RCOR1: variants seen among roughly 807,000 people sequenced by gnomAD.
RCOR1 encodes REST corepressor 1, also known as REST corepressor.
Under a neutral mutation model 64.0 loss-of-function variants are expected in RCOR1, and 12 were observed. That is an observed-to-expected ratio of 0.19 (90% CI 0.12 to 0.30). RCOR1 has a LOEUF of 0.30. Ranked by LOEUF, RCOR1 falls within the 10% of genes least tolerant of loss-of-function variation. The pLI, the probability that RCOR1 is intolerant of heterozygous loss-of-function variation, is 1.00. For synonymous variants in RCOR1, 279 were observed against 227.2 expected, an observed-to-expected ratio of 1.23 and a Z score of -2.05; for missense variants, 502 against 621.2, an observed-to-expected ratio of 0.81 and a Z score of 2.04.
At chr14:102,682,961 GC>G (rs1895335597) in intron 3 of RCOR1, among the ~76,000 whole-genome samples, 1 of 152,102 alleles carries the variant, frequency 6.6e-6, no homozygotes, top group Admixed American at 6.5e-5. Flanking sequence ...TGTTCATTTA[GC>G]CTGTTAGCCA....
intron 3 of RCOR1, among the ~76,000 whole-genome samples, chr14:102,694,418 G>C (rs1248237893): frequency 6.6e-6 from 1 of 152,018 alleles, no homozygotes; most frequent in South Asian, 2.1e-4. Flanking sequence ...CACCATGCCC[G>C]GCTAATTTTT....
At position 102,726,755 on chromosome 14, in the gene RCOR1, CT is replaced by C; in HGVS notation, c.*250del. 1 of 490,548 alleles carries C rather than the reference CT, an allele frequency of 2.0e-6. No individual in the cohort carries two copies. The allele number at this position is 490,548 out of a possible 1,614,324, so 30.4% of individuals were successfully genotyped here. Reference sequence around the variant, plus strand: ...CCACGTGCTGGGGAAGTCTCACGGCCTGCACATCTCTTGTGACTCTGGGAAC... The same window carrying C: ...CCACGTGCTGGGGAAGTCTCACGGCCGCACATCTCTTGTGACTCTGGGAAC... On this transcript the variant is annotated 3_prime_UTR_variant, in exon 12 of 12. Coordinates refer to ENST00000262241, the MANE Select transcript of RCOR1 (RefSeq NM_015156.4).
intron 2 of RCOR1, among the ~76,000 whole-genome samples, chr14:102,675,035 A>C: frequency 7.1e-6 from 1 of 140,422 alleles, no homozygotes. Flanking sequence ...GCGACAGAGC[A>C]AGACTCCACC....
At chr14:102,614,700 TGGG>T (rs908524596) in intron 2 of RCOR1, among the ~76,000 whole-genome samples, 1 of 152,138 alleles carries the variant, frequency 6.6e-6, no homozygotes, top group Non-Finnish European at 1.5e-5. Context: ...GCTGAGAGGT[TGGG>T]GGTGAGGCTA....
intron 3 of RCOR1, among the ~76,000 whole-genome samples, chr14:102,694,131 A>G (rs1416199043): frequency 6.6e-6 from 1 of 152,192 alleles, no homozygotes; most frequent in Non-Finnish European, 1.5e-5. Flanking sequence ...TCACTGCCCT[A>G]CCAGCAACTA....
At chr14:102,626,832 C>T (rs954988842) in intron 2 of RCOR1, among the ~76,000 whole-genome samples, 9 of 152,108 alleles carry the variant, frequency 5.9e-5, no homozygotes, top group Admixed American at 5.9e-4. Flanking sequence ...CAGGCAGGAC[C>T]GAGTGGATTT....
At chr14:102,612,382 T>A (rs1893649571) in intron 2 of RCOR1, among the ~76,000 whole-genome samples, 2 of 151,596 alleles carry the variant, frequency 1.3e-5, no homozygotes, top group South Asian at 4.2e-4. Flanking sequence ...TGTTTTGGAT[T>A]TTTAGTAGAG....
intron 4 of RCOR1, among the ~76,000 whole-genome samples, chr14:102,706,071 A>G (rs1895846693): frequency 7.4e-6 from 1 of 135,812 alleles, no homozygotes; most frequent in African/African-American, 2.8e-5. Flanking sequence ...CAAGATCATG[A>G]CATTGCTCCT....
chr14:102,632,675 TTTCCTTTTCCTTTTCCTTTTCC>T (rs1894145127), intron 2 of RCOR1, among the ~76,000 whole-genome samples: 4 of 12,224 alleles, frequency 3.3e-4, no homozygotes, highest in African/African-American at 6.9e-4. Flanking sequence ...TTTCCTTTCC[TTTCCTTTTCCTTTTCCTTTTCC>T]TTTCCTTTCC....
chr14:102,644,335 G>A (rs1021713490), intron 2 of RCOR1, among the ~76,000 whole-genome samples: 1 of 152,316 alleles, frequency 6.6e-6, no homozygotes, highest in East Asian at 1.9e-4. Context: ...CACAAGTCTA[G>A]TCAGCTTCAA....
At chr14:102,710,655 A>G (rs911484644) in intron 6 of RCOR1, 3 of 356,886 alleles carry the variant, frequency 8.4e-6, no homozygotes, top group Non-Finnish European at 1.5e-5. Flanking sequence ...CAGTTTACAG[A>G]TATAGAGCAA....
chr14:102,651,136 G>C, intron 2 of RCOR1: 1 of 946,148 alleles, frequency 1.1e-6, no homozygotes, highest in Non-Finnish European at 1.3e-6. Flanking sequence ...CTCGGTCGGG[G>C]AGACCCTAAC....
chr14:102,707,543 T>A, intron 5 of RCOR1, 31 bp downstream of exon 5: 1 of 1,545,046 alleles, frequency 6.5e-7, no homozygotes, highest in Non-Finnish European at 8.7e-7. Flanking sequence ...AGTTCTATTT[T>A]TTTTCTCCTA....
chr14:102,669,854 G>GT (rs1894996436), intron 2 of RCOR1, among the ~76,000 whole-genome samples: 1 of 152,048 alleles, frequency 6.6e-6, no homozygotes, highest in African/African-American at 2.4e-5. Flanking sequence ...GTCATAAAAC[G>GT]TTTTTTGGTC....
intron 2 of RCOR1, among the ~76,000 whole-genome samples, chr14:102,599,912 TC>T (rs1179534165): frequency 1.3e-5 from 2 of 150,764 alleles, no homozygotes; most frequent in Non-Finnish European, 3.0e-5. Flanking sequence ...CAAGTGATCC[TC>T]CCCCCTCAGC....
At position 102,727,290 on chromosome 14, in the gene RCOR1, ACCC is replaced by A. The variant is rs1186785092; in HGVS notation, c.*789_*791del. ...ACCCCATCTTTTCCTGACCCCCCCC[ACCC>A]CCCCACCTCCAAGAGGTTCGGCCCA... On this transcript the variant is annotated 3_prime_UTR_variant, in exon 12 of 12. Coordinates refer to ENST00000262241, the MANE Select transcript of RCOR1 (RefSeq NM_015156.4). 1.6e-5 allele frequency: 1 copy of A among 61,790 alleles called. No individual in the cohort carries two copies. Among genetic ancestry groups the A allele is most frequent in the Non-Finnish European group, 3.4e-5 (1 of 29,428 alleles). The allele number at this position is 61,790 out of a possible 1,614,324, so 3.8% of individuals were successfully genotyped here.
chr14:102,648,843 A>C (rs1028506362), intron 2 of RCOR1, among the ~76,000 whole-genome samples: 4 of 152,192 alleles, frequency 2.6e-5, no homozygotes, highest in Non-Finnish European at 2.9e-5. Flanking sequence ...GAATCCAGCA[A>C]AGGATAAGGT....
At chr14:102,596,319 TCTGGAACTC>T (rs1325740697) in intron 2 of RCOR1, among the ~76,000 whole-genome samples, 1 of 152,136 alleles carries the variant, frequency 6.6e-6, no homozygotes, top group Non-Finnish European at 1.5e-5. Context: ...ATCAGGCTGG[TCTGGAACTC>T]CTGAACGCAG....
intron 3 of RCOR1, among the ~76,000 whole-genome samples, chr14:102,689,404 T>C (rs1895487893): frequency 6.6e-6 from 1 of 152,160 alleles, no homozygotes; most frequent in African/African-American, 2.4e-5. Flanking sequence ...GTTTATAGTC[T>C]GCTTTTTAAA....
Sources: allele counts gnomAD v4.1 joint callset (sites outside exome capture counted in the v4.1 genomes callset), GRCh38; gene constraint gnomAD v4.1.1; transcripts MANE v1.5; gene names NCBI Gene and HGNC (gene_info 2026-07-23, HGNC 2026-07-21).